The following TLN2 variants were observed in gnomAD, a reference collection of about 807,000 sequenced individuals.
The protein encoded by TLN2 is talin 2.
In TLN2, 118 loss-of-function variants were observed where a neutral mutation model predicts 294.7. That is an observed-to-expected ratio of 0.40 (90% CI 0.34 to 0.47). The LOEUF is 0.47. TLN2 is among the 20% of genes least tolerant of loss of function. TLN2 has a pLI of 0.84. For missense variants in TLN2, 3,083 were observed against 3,282.2 expected, an observed-to-expected ratio of 0.94 and a Z score of 1.48; for synonymous variants, 1,431 against 1,304.5, an observed-to-expected ratio of 1.10 and a Z score of -2.09.
intron 21 of TLN2, among the ~76,000 whole-genome samples, chr15:62,710,577 C>G (rs2059360258): frequency 6.6e-6 from 1 of 152,120 alleles, no homozygotes; most frequent in African/African-American, 2.4e-5. Context: ...TCCCATATAC[C>G]TTTCCCAGTT....
intron 2 of TLN2, among the ~76,000 whole-genome samples, chr15:62,593,136 A>G (rs2046216904): frequency 6.6e-6 from 1 of 152,218 alleles, no homozygotes; most frequent in African/African-American, 2.4e-5. Context: ...CAGTCATTTA[A>G]GGGCTATGAC....
intron 21 of TLN2, 131 bp downstream of exon 21, chr15:62,708,927 C>A: frequency 9.2e-7 from 1 of 1,088,330 alleles, no homozygotes; most frequent in Non-Finnish European, 1.3e-6. Context: ...TCAAAGACTT[C>A]CCCACTGAAG....
chr15:62,511,718 G>A (rs1310640769), intron 1 of TLN2, among the ~76,000 whole-genome samples: 1 of 152,006 alleles, frequency 6.6e-6, no homozygotes, highest in African/African-American at 2.4e-5. Flanking sequence ...AATTTCCTTA[G>A]TTATTTTGAA....
Position 62,761,716 on chromosome 15 carries a change from TAA to T in TLN2, c.4675_4676del (p.Lys1559ValfsTer10). 1 of 1,614,162 alleles carries T rather than the reference TAA, an allele frequency of 6.2e-7. No individual in the cohort carries two copies. Among genetic ancestry groups the T allele is most frequent in the Non-Finnish European group, 8.5e-7 (1 of 1,180,032 alleles). On this transcript the variant is annotated frameshift_variant, in exon 38 of 59. Coordinates refer to ENST00000636159, the MANE Select transcript of TLN2 (RefSeq NM_015059.3). LOFTEE classifies it high-confidence loss of function. Reference protein sequence around the residue: ...DGDFSEDNRNKCRIATAPLIE... With the variant: ...DGDFSEDNRNXCRIATAPLIE... ...GGGATTTCTCTGAAGACAACCGCAA[TAA>T]GTGTCGCATCGCCACCGCACCCTTG... is the stretch of plus-strand genomic sequence containing the variant.
At chr15:62,443,255 A>G (rs2035643579) in intron 1 of TLN2, among the ~76,000 whole-genome samples, 1 of 152,192 alleles carries the variant, frequency 6.6e-6, no homozygotes, top group African/African-American at 2.4e-5. Flanking sequence ...TTCTTTGGCA[A>G]TCCAGCTTAA....
intron 3 of TLN2, chr15:62,638,446 C>A: frequency 2.3e-6 from 1 of 438,298 alleles, no homozygotes. Flanking sequence ...GGTGCCAGTG[C>A]CAAGAACTAC....
intron 28 of TLN2, among the ~76,000 whole-genome samples, chr15:62,730,940 A>G (rs1267215695): frequency 1.3e-5 from 2 of 152,078 alleles, no homozygotes. Flanking sequence ...ATGCTAAATC[A>G]TTTCACAGTG....
chr15:62,636,259 T>TAGAC, intron 3 of TLN2, among the ~76,000 whole-genome samples: 1 of 151,220 alleles, frequency 6.6e-6, no homozygotes, highest in East Asian at 1.9e-4. Context: ...AATAGATAGA[T>TAGAC]AGATAGATAG....
At chr15:62,436,978 C>T (rs77191880) in intron 1 of TLN2, among the ~76,000 whole-genome samples, 13,646 of 152,340 alleles carry the variant, frequency 0.09, 848 homozygotes, top group Middle Eastern at 0.19. Context: ...ATCCTCCCGC[C>T]TTGGCCTCCC....
intron 1 of TLN2, among the ~76,000 whole-genome samples, chr15:62,442,808 C>G (rs1046929161): frequency 6.6e-6 from 1 of 152,168 alleles, no homozygotes; most frequent in African/African-American, 2.4e-5. Flanking sequence ...TTCTAGAGTT[C>G]AGAAGTCCTA....
chr15:62,541,870 T>C (rs2041712070), intron 1 of TLN2, among the ~76,000 whole-genome samples: 1 of 152,034 alleles, frequency 6.6e-6, no homozygotes. Flanking sequence ...CCCTCGACTA[T>C]CAGTGACTGT....
intron 32 of TLN2, among the ~76,000 whole-genome samples, chr15:62,747,439 T>C (rs947265278): frequency 6.6e-6 from 1 of 152,218 alleles, no homozygotes; most frequent in Non-Finnish European, 1.5e-5. Context: ...TAGAATTTAA[T>C]GGAAGGAAGA....
intron 1 of TLN2, among the ~76,000 whole-genome samples, chr15:62,395,804 T>C (rs1225048269): frequency 2.0e-5 from 3 of 152,180 alleles, no homozygotes; most frequent in Admixed American, 6.5e-5. Flanking sequence ...CAGAGTATCA[T>C]ATGTATGTTG....
At chr15:62,639,148 C>G (rs1596446010) in intron 3 of TLN2, among the ~76,000 whole-genome samples, 1 of 152,218 alleles carries the variant, frequency 6.6e-6, no homozygotes, top group East Asian at 1.9e-4. Flanking sequence ...AGAGATGACT[C>G]CATTGATGTA....
chr15:62,532,678 T>A (rs2041114277), intron 1 of TLN2, among the ~76,000 whole-genome samples: 1 of 152,108 alleles, frequency 6.6e-6, no homozygotes, highest in African/African-American at 2.4e-5. Flanking sequence ...AAACCATGCC[T>A]CTCTGTTTGT....
Position 62,664,763 on chromosome 15 carries a change from C to A in TLN2, c.788+6865C>A, listed in dbSNP as rs527509145. ...ATCCCAGCTACTCGGGAGGCTGAGG[C>A]ACGAGAATCACTTGAACCTGGGAGG... On this transcript the variant is annotated intron_variant, in intron 9 of 58. Transcript: ENST00000636159. 2.5e-4 allele frequency among the ~76,000 whole-genome samples: 36 copies of A among 141,512 alleles called. 1 individual carries two copies. Among genetic ancestry groups the A allele is most frequent in the African/African-American group, 9.4e-4 (36 of 38,412 alleles). The allele number at this position is 141,512 out of a possible 152,430, so 92.8% of individuals were successfully genotyped here.
At chr15:62,802,880 G>C (rs571753126) in intron 50 of TLN2, among the ~76,000 whole-genome samples, 3 of 152,106 alleles carry the variant, frequency 2.0e-5, no homozygotes, top group Non-Finnish European at 1.5e-5. Context: ...GTCTTCTTTT[G>C]AGAAATGTCT....
chr15:62,753,808 CCAGG>C lies in TLN2; in HGVS notation c.4374_4377del (p.Gly1459ThrfsTer63). ...TGGTTGGCATCTCTGATCCAAACAG[CCAGG>C]CAGGCCACCAGGGCCTGGTGGACCC... On this transcript the variant is annotated frameshift_variant, in exon 36 of 59. Coordinates refer to ENST00000636159, the MANE Select transcript of TLN2 (RefSeq NM_015059.3). LOFTEE classifies it high-confidence loss of function. 6.2e-7 allele frequency: 1 copy of C among 1,611,638 alleles called. No homozygotes were observed. Among genetic ancestry groups the C allele is most frequent in the Non-Finnish European group, 8.5e-7 (1 of 1,178,894 alleles).
chr15:62,536,079 A>C (rs1040537646), intron 1 of TLN2, among the ~76,000 whole-genome samples: 2 of 152,170 alleles, frequency 1.3e-5, no homozygotes, highest in African/African-American at 4.8e-5. Flanking sequence ...GTTACTTCTG[A>C]AATCCAGTAT....
Sources: allele counts gnomAD v4.1 joint callset (sites outside exome capture counted in the v4.1 genomes callset), GRCh38; gene constraint gnomAD v4.1.1; transcripts MANE v1.5; gene names NCBI Gene and HGNC (gene_info 2026-07-23, HGNC 2026-07-21).